Variants in SYNE2 observed in about 807,000 individuals in gnomAD.
SYNE2 encodes spectrin repeat containing nuclear envelope protein 2, also known as nesprin-2.
In SYNE2, 431 loss-of-function variants were observed where a neutral mutation model predicts 856.3. The ratio of observed to expected loss-of-function variants is 0.50; its 90% CI spans 0.47 to 0.55. The LOEUF is 0.55. Ranked by LOEUF, SYNE2 falls within the 20% of genes least tolerant of loss-of-function variation. The pLI is 0.00. For missense variants in SYNE2, 8,129 were observed against 8,023.2 expected, an observed-to-expected ratio of 1.01 and a Z score of -0.50; for synonymous variants, 2,923 against 2,872.3, an observed-to-expected ratio of 1.02 and a Z score of -0.56.
chr14:64,038,653 C>T (rs906938493), intron 45 of SYNE2, among the ~76,000 whole-genome samples: 3 of 152,206 alleles, frequency 2.0e-5, no homozygotes, highest in African/African-American at 7.2e-5. Flanking sequence ...CCAGCCCGGC[C>T]AACACAGCGA....
Position 64,020,103 on chromosome 14 carries a change from T to C in SYNE2, c.5151+10T>C, listed in dbSNP as rs1456472399. On this transcript the variant is annotated intron_variant, in intron 35 of 115. Transcript: ENST00000555002. ...ACCTCTTGAATTGCAGGTAAGAATT[T>C]TTATTTAAAAGTTTCAGTTATTGAG... 6.3e-7 allele frequency: 1 copy of C among 1,594,904 alleles called. No homozygotes were observed. Among genetic ancestry groups the C allele is most frequent in the East Asian group, 2.2e-5 (1 of 44,794 alleles).
At chr14:64,056,566 C>G (rs2097271240) in intron 49 of SYNE2, among the ~76,000 whole-genome samples, 1 of 151,360 alleles carries the variant, frequency 6.6e-6, no homozygotes, top group Admixed American at 6.6e-5. Context: ...AAACTAATAT[C>G]TTTGTACCCA....
intron 18 of SYNE2, among the ~76,000 whole-genome samples, chr14:63,985,497 G>A (rs1047169931): frequency 1.3e-5 from 2 of 151,960 alleles, no homozygotes; most frequent in African/African-American, 4.8e-5. Flanking sequence ...AATTTGATTT[G>A]AGTTTCTTCT....
chr14:64,188,497 G>C lies in SYNE2; in HGVS notation c.17713-53G>C, dbSNP rs2098502596. On this transcript the variant is annotated intron_variant, in intron 97 of 115. Transcript: ENST00000555002. ...CTCAGTTTTTTTGAGGGAGAGAAGG[G>C]GGTGCTTTCCTTCCTGGCTATACTC... is the stretch of plus-strand genomic sequence containing the variant. The C allele has an allele frequency of 6.9e-6, 11 of 1,605,328 alleles. No homozygotes were observed. In the South Asian group the frequency reaches 1.2e-4, roughly 18 times the overall value.
At chr14:64,011,190 G>T (rs2096842352) in intron 32 of SYNE2, among the ~76,000 whole-genome samples, 2 of 152,290 alleles carry the variant, frequency 1.3e-5, no homozygotes, top group South Asian at 4.1e-4. Context: ...CTCAGACTTA[G>T]TTTCTTAGAG....
chr14:63,842,265 A>G (rs1890092591), intron 1 of SYNE2, among the ~76,000 whole-genome samples: 1 of 151,974 alleles, frequency 6.6e-6, no homozygotes, highest in African/African-American at 2.4e-5. Flanking sequence ...TGCGCCTGCC[A>G]GGCTCAAGCA....
chr14:64,218,662 G>A, intron 109 of SYNE2, 150 bp downstream of exon 109: 1 of 758,448 alleles, frequency 1.3e-6, no homozygotes, highest in Non-Finnish European at 2.2e-6. Context: ...TTTTAAATCA[G>A]CGATTGGCAT....
chr14:64,003,457 A>G (rs1055215245), intron 30 of SYNE2, 127 bp downstream of exon 30: 3 of 1,273,408 alleles, frequency 2.4e-6, no homozygotes, highest in Admixed American at 3.5e-5. Flanking sequence ...TTCAGTGTTC[A>G]GCATTCTTTT....
chr14:63,860,072 C>T (rs1241837221), intron 1 of SYNE2, among the ~76,000 whole-genome samples: 1 of 151,656 alleles, frequency 6.6e-6, no homozygotes, highest in Non-Finnish European at 1.5e-5. Flanking sequence ...CTCACTGCAA[C>T]CTCTGCCTCT....
chr14:63,909,250 A>T, intron 2 of SYNE2, 23 bp downstream of exon 2: 3 of 1,537,804 alleles, frequency 2.0e-6, no homozygotes, highest in Non-Finnish European at 2.7e-6. Context: ...GGGTGGGGGT[A>T]ACACCCACAG....
intron 1 of SYNE2, among the ~76,000 whole-genome samples, chr14:63,785,516 C>G (rs1887488218): frequency 6.6e-6 from 1 of 152,088 alleles, no homozygotes; most frequent in Non-Finnish European, 1.5e-5. Context: ...TATCCAGAAT[C>G]TATTAGGATT....
chr14:64,006,935 C>T, intron 30 of SYNE2, 108 bp from the exon 31 acceptor site: 2 of 858,498 alleles, frequency 2.3e-6, no homozygotes, highest in East Asian at 2.5e-5. Flanking sequence ...TTGGCATTAA[C>T]CACATGAGGA....
intron 94 of SYNE2, chr14:64,174,017 C>T (rs1292537498): frequency 4.7e-5 from 30 of 634,966 alleles, no homozygotes; most frequent in South Asian, 1.1e-4. Context: ...GCTGTAACAC[C>T]GCCACTAAAA....
intron 1 of SYNE2, among the ~76,000 whole-genome samples, chr14:63,832,021 T>A (rs906929702): frequency 3.3e-5 from 5 of 152,266 alleles, no homozygotes; most frequent in Admixed American, 6.5e-5. Context: ...CCACAAAAAA[T>A]TATTATTTTG....
chr14:64,068,184 T>C (rs2097372164), intron 51 of SYNE2, among the ~76,000 whole-genome samples: 1 of 152,146 alleles, frequency 6.6e-6, no homozygotes, highest in African/African-American at 2.4e-5. Flanking sequence ...GTGTAAAATA[T>C]GTTGTTCTGA....
intron 84 of SYNE2, among the ~76,000 whole-genome samples, chr14:64,150,849 G>A (rs140208793): frequency 2.9e-4 from 44 of 152,334 alleles, no homozygotes; most frequent in African/African-American, 1.0e-3. Context: ...GGGTGGCAGA[G>A]ATGGACAGAG....
At chr14:64,016,716 T>C in intron 33 of SYNE2, 85 bp downstream of exon 33, 1 of 894,514 alleles carries the variant, frequency 1.1e-6, no homozygotes, top group Non-Finnish European at 1.7e-6. Context: ...AATTCAAGAT[T>C]CAAAAATACT....
intron 70 of SYNE2, among the ~76,000 whole-genome samples, chr14:64,123,956 G>A (rs1251437420): frequency 6.7e-6 from 1 of 149,944 alleles, no homozygotes; most frequent in Non-Finnish European, 1.5e-5. Context: ...TATAATCCCA[G>A]CACTTCAGGA....
chr14:64,106,997 T>A (rs6573545), intron 64 of SYNE2, among the ~76,000 whole-genome samples: 7,201 of 152,220 alleles, frequency 0.047, 566 homozygotes, highest in African/African-American at 0.16. Flanking sequence ...CTCTTTGAAA[T>A]GTGGCCTTTA....
Sources: allele counts gnomAD v4.1 joint callset (sites outside exome capture counted in the v4.1 genomes callset), GRCh38; gene constraint gnomAD v4.1.1; transcripts MANE v1.5; gene names NCBI Gene and HGNC (gene_info 2026-07-23, HGNC 2026-07-21).